Variants in USP53 observed in about 807,000 individuals in gnomAD.
USP53 encodes the protein ubiquitin carboxyl-terminal hydrolase 53.
A neutral mutation model predicts 94.9 loss-of-function variants in USP53; 71 were observed. The ratio of observed to expected loss-of-function variants is 0.75; its 90% confidence interval spans 0.62 to 0.91. The LOEUF is 0.91. Among genes scored for constraint, USP53 ranks in the 40% least tolerant of loss-of-function variants. The pLI is 0.00. For missense variants in USP53, 1,173 were observed against 1,281.0 expected, an observed-to-expected ratio of 0.92 and a Z score of 1.29; for synonymous variants, 375 against 422.7, an observed-to-expected ratio of 0.89 and a Z score of 1.39.
intron 9 of USP53, among the ~76,000 whole-genome samples, chr4:119,259,020 C>T (rs1387172131): frequency 6.6e-6 from 1 of 152,170 alleles, no homozygotes; most frequent in Non-Finnish European, 1.5e-5. Context: ...GTGGCTCACG[C>T]CTGTAATCCC....
chr4:119,293,297 T>C lies in USP53; in HGVS notation c.*86T>C, dbSNP rs1754980664. The C allele has an allele frequency of 6.9e-7, 1 of 1,440,846 alleles. No homozygotes were observed. The highest frequency in any genetic ancestry group is 2.5e-5 in the Admixed American group (1 of 40,350). 89.3% of individuals were successfully genotyped at this position (1,440,846 alleles called of 1,614,324 possible). On this transcript the variant is annotated 3_prime_UTR_variant, in exon 19 of 19. Transcript: ENST00000692078. The stretch of plus-strand genomic sequence containing the variant: ...AAAGATATAAACCTAGCATACATTG[T>C]AATAGATAACTGGTAAAACTGACCA...
chr4:119,242,595 A>C (rs985554995), intron 5 of USP53, among the ~76,000 whole-genome samples: 1 of 152,044 alleles, frequency 6.6e-6, no homozygotes, highest in South Asian at 2.1e-4. Flanking sequence ...CTGATCCCTG[A>C]TGTTAACTCT....
chr4:119,270,717 A>G (rs1751749776), intron 15 of USP53, among the ~76,000 whole-genome samples: 1 of 152,190 alleles, frequency 6.6e-6, no homozygotes, highest in African/African-American at 2.4e-5. Flanking sequence ...ACTGATAGTG[A>G]TAGACTTTAC....
At chr4:119,249,253 T>G (rs1748642973) in intron 7 of USP53, among the ~76,000 whole-genome samples, 1 of 152,156 alleles carries the variant, frequency 6.6e-6, no homozygotes, top group Admixed American at 6.5e-5. Flanking sequence ...ATGCAATGAT[T>G]CTCACTGGGA....
chr4:119,248,717 T>C (rs760092070), intron 6 of USP53, 31 bp from the exon 7 acceptor site: 1 of 1,603,016 alleles, frequency 6.2e-7, no homozygotes. Flanking sequence ...AAGCTGGCAT[T>C]AAACTTACTG....
intron 7 of USP53, among the ~76,000 whole-genome samples, chr4:119,255,548 G>A (rs925641997): frequency 3.3e-5 from 5 of 152,312 alleles, no homozygotes; most frequent in South Asian, 2.1e-4. Context: ...TGTCGGACCC[G>A]CTGAGCCAGG....
intron 1 of USP53, among the ~76,000 whole-genome samples, chr4:119,213,562 T>C (rs1743173935): frequency 6.6e-6 from 1 of 151,252 alleles, no homozygotes; most frequent in African/African-American, 2.4e-5. Context: ...GCTACAAGGT[T>C]TTCTTTATCA....
At chr4:119,260,369 A>T in intron 10 of USP53, 138 bp from the exon 11 acceptor site, 1 of 558,142 alleles carries the variant, frequency 1.8e-6, no homozygotes, top group Non-Finnish European at 2.8e-6. Flanking sequence ...TAAGACAAAC[A>T]GCTTGTTAGA....
intron 4 of USP53, among the ~76,000 whole-genome samples, chr4:119,236,617 A>T (rs1474359808): frequency 6.6e-6 from 1 of 152,196 alleles, no homozygotes; most frequent in Non-Finnish European, 1.5e-5. Flanking sequence ...CCAGAAGTTG[A>T]TTTCATCTCA....
chr4:119,289,496 G>A (rs1412936991), intron 17 of USP53, among the ~76,000 whole-genome samples: 1 of 152,190 alleles, frequency 6.6e-6, no homozygotes, highest in African/African-American at 2.4e-5. Context: ...GCCACACTTC[G>A]AGAATTGCTG....
chr4:119,287,152 C>T (rs1384248474), intron 17 of USP53, among the ~76,000 whole-genome samples: 1 of 151,880 alleles, frequency 6.6e-6, no homozygotes, highest in Non-Finnish European at 1.5e-5. Flanking sequence ...ATTCTGCAGA[C>T]CTTCATTTGA....
In USP53 at chr4:119,239,851, G is replaced by A; in HGVS notation, c.92G>A (p.Gly31Asp). The change falls in exon 5 of 19, where the codon GGC becomes GAC. Residue 31 changes from glycine (G) to aspartate (D), a missense_variant. Physicochemically the swap from Gly to Asp is moderately conservative, Grantham distance 94. Transcript: ENST00000692078. ...GSMLSLAPTK[G>D]LLNEPGQNSC... Reference sequence around the variant, plus strand: ...ATGCTATCACTAGCCCCTACCAAAGGCTTGTTAAATGAACCAGGACAAAAC... The same window carrying A: ...ATGCTATCACTAGCCCCTACCAAAGACTTGTTAAATGAACCAGGACAAAAC... The A allele has an allele frequency of 1.2e-6, 2 of 1,612,088 alleles. No homozygotes were observed. The highest frequency in any genetic ancestry group is 1.1e-5 in the South Asian group (1 of 90,776).
chr4:119,222,442 C>T (rs772086533), intron 3 of USP53, among the ~76,000 whole-genome samples: 1 of 151,168 alleles, frequency 6.6e-6, no homozygotes, highest in Non-Finnish European at 1.5e-5. Context: ...CTCTCTTTAT[C>T]CCTTCTCTCC....
intron 12 of USP53, among the ~76,000 whole-genome samples, chr4:119,263,835 G>A (rs1487572039): frequency 6.6e-6 from 1 of 152,118 alleles, no homozygotes; most frequent in East Asian, 1.9e-4. Context: ...ACTTTGGGAG[G>A]CCAAAGTGGG....
intron 11 of USP53, 55 bp from the exon 12 acceptor site, chr4:119,261,660 C>A: frequency 7.3e-7 from 1 of 1,372,224 alleles, no homozygotes; most frequent in Non-Finnish European, 1.0e-6. Context: ...TCTAATTATT[C>A]CTCATTTTAC....
intron 3 of USP53, chr4:119,221,509 C>G (rs997692736): frequency 8.6e-5 from 13 of 151,704 alleles, no homozygotes; most frequent in Non-Finnish European, 1.6e-4. Context: ...GTTAGAAGAC[C>G]TTAAGGAGCC....
intron 17 of USP53, among the ~76,000 whole-genome samples, chr4:119,275,573 C>T (rs1197956543): frequency 9.3e-5 from 14 of 150,222 alleles, no homozygotes; most frequent in East Asian, 4.0e-4. Context: ...ATTGACTTGG[C>T]GATGCGGGCT....
At chr4:119,287,899 A>T (rs991891652) in intron 17 of USP53, among the ~76,000 whole-genome samples, 1 of 152,198 alleles carries the variant, frequency 6.6e-6, no homozygotes, top group Non-Finnish European at 1.5e-5. Flanking sequence ...TACTTACCAG[A>T]TATATAGAAT....
intron 17 of USP53, among the ~76,000 whole-genome samples, chr4:119,278,084 A>C (rs370812297): frequency 1.1e-4 from 16 of 149,274 alleles, no homozygotes; most frequent in African/African-American, 4.0e-4. Context: ...TTAATTGGAG[A>C]ATTTAGTCCA....
Sources: allele counts gnomAD v4.1 joint callset (sites outside exome capture counted in the v4.1 genomes callset), GRCh38; gene constraint gnomAD v4.1.1; transcripts MANE v1.5; gene names NCBI Gene and HGNC (gene_info 2026-07-23, HGNC 2026-07-21).